Variants in HEATR1 observed in about 807,000 individuals in gnomAD.
HEATR1 encodes the protein HEAT repeat-containing protein 1.
A neutral mutation model predicts 248.2 loss-of-function variants in HEATR1; 77 were observed. The ratio of observed to expected loss-of-function variants is 0.31; its 90% confidence interval spans 0.26 to 0.37. The LOEUF (loss-of-function observed/expected upper bound fraction) is 0.37, where lower values mean the gene tolerates loss of function less well. Among genes scored for constraint, HEATR1 ranks in the 10% least tolerant of loss-of-function variants. HEATR1 has a pLI of 1.00. For missense variants in HEATR1, 2,420 were observed against 2,504.9 expected, an observed-to-expected ratio of 0.97 and a Z score of 0.72; for synonymous variants, 897 against 923.1, an observed-to-expected ratio of 0.97 and a Z score of 0.51.
At chr1:236,602,126 G>A (rs531231739) in intron 3 of HEATR1, among the ~76,000 whole-genome samples, 18 of 151,648 alleles carry the variant, frequency 1.2e-4, no homozygotes, top group South Asian at 4.2e-4. Context: ...GCGACAGTGC[G>A]AGACTGTCTC....
At chr1:236,568,907 A>AAC in intron 29 of HEATR1, 89 bp downstream of exon 29, 1 of 960,820 alleles carries the variant, frequency 1.0e-6, no homozygotes, top group Non-Finnish European at 1.4e-6. Flanking sequence ...ACAAAAAAAA[A>AAC]AAACTAAAAA....
At chr1:236,587,340 G>T in intron 14 of HEATR1, 62 bp downstream of exon 14, 1 of 752,878 alleles carries the variant, frequency 1.3e-6, no homozygotes, top group Non-Finnish European at 2.0e-6. Flanking sequence ...AGAAGAAATA[G>T]AAAGAACTTG....
chr1:236,599,775 A>T, intron 3 of HEATR1, 151 bp from the exon 4 acceptor site: 1 of 657,236 alleles, frequency 1.5e-6, no homozygotes, highest in Non-Finnish European at 2.4e-6. Context: ...CAGAGCATTT[A>T]AAAAGTCCCC....
intron 29 of HEATR1, among the ~76,000 whole-genome samples, chr1:236,567,708 T>TCAAACAAA (rs35327342): frequency 6.6e-6 from 1 of 151,374 alleles, no homozygotes; most frequent in Non-Finnish European, 1.5e-5. Flanking sequence ...AAACTCTGTC[T>TCAAACAAA]CAAACAAACA....
chr1:236,590,823 A>G, intron 12 of HEATR1, 24 bp downstream of exon 12: 1 of 1,317,488 alleles, frequency 7.6e-7, no homozygotes, highest in Admixed American at 2.5e-5. Flanking sequence ...AAAAAACCAT[A>G]TAAAAAAGCG....
chr1:236,599,581 C>A lies in HEATR1; in HGVS notation c.403G>T (p.Val135Phe), dbSNP rs752767682. The A allele has an allele frequency of 2.5e-6, 4 of 1,613,676 alleles. No individual in the cohort carries two copies. In the South Asian group the frequency reaches 4.4e-5, roughly 18 times the overall value. ...ATTCTTGTCTCGTGGTATGGCAGAA[C>A]ACAAGCAATGAGGCTATCTTGATTA... Reference protein sequence around the residue: ...LYNQDSLIACVLPYHETRIFV... With the variant: ...LYNQDSLIACFLPYHETRIFV... The change falls in exon 4 of 45, where the codon GTT (valine) becomes TTT (phenylalanine). Residue 135 changes from valine (V) to phenylalanine (F), a missense_variant. Transcript: ENST00000366582.
intron 10 of HEATR1, 47 bp downstream of exon 10, chr1:236,592,476 G>GAACA: frequency 2.6e-6 from 2 of 774,084 alleles, no homozygotes; most frequent in Non-Finnish European, 4.5e-6. Context: ...TATCTTTATA[G>GAACA]AACAGGAAGT....
rs1663090541 is a variant in HEATR1, at chr1:236,560,187, C to G, written c.4647-350G>C. On this transcript the variant is annotated intron_variant, in intron 33 of 44. Transcript: ENST00000366582. ...GTGGGGTGTTCAGGGAGTTATGGCC[C>G]TAGGTTAATGGCAGGTGTGTGCGCG... Among the ~76,000 whole-genome samples the G allele has an allele frequency of 2.0e-5, 3 of 152,146 alleles. No homozygotes were observed. The South Asian group carries it at 6.2e-4, about 32-fold the overall frequency.
intron 24 of HEATR1, among the ~76,000 whole-genome samples, chr1:236,573,697 A>G (rs16833940): frequency 0.067 from 10,269 of 152,210 alleles, 509 homozygotes; most frequent in East Asian, 0.14. Context: ...AAATTCTGAG[A>G]ACTGCTGAAT....
At chr1:236,586,108 A>G in intron 15 of HEATR1, 133 bp downstream of exon 15, 3 of 1,232,392 alleles carry the variant, frequency 2.4e-6, no homozygotes, top group Non-Finnish European at 3.4e-6. Flanking sequence ...TTCACTGTAT[A>G]CTTTTTATCT....
intron 28 of HEATR1, among the ~76,000 whole-genome samples, chr1:236,570,105 G>A (rs1347284001): frequency 5.3e-5 from 8 of 152,088 alleles, no homozygotes; most frequent in South Asian, 2.1e-4. Context: ...TGGCTAACAC[G>A]GTGAAACCCC....
chr1:236,572,876 A>C, intron 24 of HEATR1, 48 bp from the exon 25 acceptor site: 1 of 1,487,290 alleles, frequency 6.7e-7, no homozygotes, highest in Non-Finnish European at 9.4e-7. Context: ...CATTGGGATA[A>C]AATTAGAGCA....
intron 29 of HEATR1, among the ~76,000 whole-genome samples, chr1:236,567,437 G>A (rs1025337536): frequency 2.6e-5 from 4 of 152,246 alleles, no homozygotes; most frequent in South Asian, 2.1e-4. Flanking sequence ...ATGGCTGGGC[G>A]CAGTGGCTCA....
In HEATR1 at chr1:236,564,493, A is replaced by G. The variant is rs773009991; in HGVS notation, c.4599+5T>C. On this transcript the variant is annotated splice_donor_5th_base_variant and intron_variant, in intron 32 of 44. Transcript: ENST00000366582. ...TTTTATAAACACATTTAAAGAACAC[A>G]TTACCTTTTTCAGAAAATTATTGGA... is the stretch of plus-strand genomic sequence containing the variant. 10 of 1,612,506 alleles carry G rather than the reference A, an allele frequency of 6.2e-6. No homozygotes were observed. The highest frequency in any genetic ancestry group is 8.5e-6 in the Non-Finnish European group (10 of 1,179,624).
chr1:236,572,096 CATATCT>C (rs1226393893), intron 26 of HEATR1, among the ~76,000 whole-genome samples: 1 of 152,106 alleles, frequency 6.6e-6, no homozygotes, highest in African/African-American at 2.4e-5. Flanking sequence ...TATATACACA[CATATCT>C]ATATCTATAT....
chr1:236,559,075 G>A lies in HEATR1; in HGVS notation c.4831C>T (p.Pro1611Ser), dbSNP rs890221877. The A allele has an allele frequency of 5.6e-6, 9 of 1,612,746 alleles. No individual in the cohort carries two copies. The highest frequency in any genetic ancestry group is 7.6e-6 in the Non-Finnish European group (9 of 1,179,684). Reference protein sequence around the residue: ...IPVIRGLVGNPLPSVRRKALD... With the variant: ...IPVIRGLVGNSLPSVRRKALD... ...GCTTTGCGGCGAACAGATGGCAGGG[G>A]ATTGCCCACCAGCCCTCTGATCACA... Residue 1611 changes from proline (P) to serine (S), a missense_variant, in exon 35 of 45, where the codon CCC becomes TCC. Transcript: ENST00000366582.
intron 28 of HEATR1, among the ~76,000 whole-genome samples, chr1:236,570,491 G>C (rs908590475): frequency 3.3e-5 from 5 of 152,100 alleles, no homozygotes; most frequent in African/African-American, 4.8e-5. Context: ...GGCAGCGGCA[G>C]GGAGGAGGGA....
chr1:236,592,391 C>A (rs1358034171), intron 10 of HEATR1, 132 bp downstream of exon 10: 3 of 608,312 alleles, frequency 4.9e-6, no homozygotes, highest in South Asian at 2.0e-5. Context: ...CCGATACTCG[C>A]CCCTTCTTGA....
chr1:236,571,881 G>A (rs1347151645), intron 26 of HEATR1, among the ~76,000 whole-genome samples, 195 bp from the exon 27 acceptor site: 2 of 152,054 alleles, frequency 1.3e-5, no homozygotes, highest in African/African-American at 4.8e-5. Flanking sequence ...ATATAGACAG[G>A]CGCTATGTCA....
Sources: gnomAD v4.1 joint callset for allele counts (sites outside exome capture counted in the v4.1 genomes callset) on GRCh38, gnomAD v4.1.1 for gene constraint, MANE v1.5 for transcripts, NCBI Gene and HGNC (gene_info 2026-07-23, HGNC 2026-07-21) for gene names.